Variants in MYT1L observed in about 807,000 individuals in gnomAD.
MYT1L encodes myelin transcription factor 1 like, also known as myelin transcription factor 1-like protein.
Under a neutral mutation model 126.7 loss-of-function variants are expected in MYT1L, and 12 were observed. That is an observed-to-expected ratio of 0.09 (90% CI 0.06 to 0.15). The LOEUF is 0.15. Ranked by LOEUF, MYT1L falls within the 10% of genes least tolerant of loss-of-function variation. The pLI is 1.00. For missense variants in MYT1L, 979 were observed against 1,585.2 expected, an observed-to-expected ratio of 0.62 and a Z score of 6.49; for synonymous variants, 541 against 604.2, an observed-to-expected ratio of 0.90 and a Z score of 1.53.
intron 4 of MYT1L, among the ~76,000 whole-genome samples, chr2:2,021,275 G>A (rs1487980500): frequency 6.6e-6 from 1 of 152,186 alleles, no homozygotes; most frequent in Non-Finnish European, 1.5e-5. Context: ...CCTGGGATTT[G>A]CAGAGAGCAG....
chr2:2,194,215 G>A (rs1412911630), intron 2 of MYT1L, among the ~76,000 whole-genome samples: 1 of 151,992 alleles, frequency 6.6e-6, no homozygotes, highest in Non-Finnish European at 1.5e-5. Flanking sequence ...AAGTAGCTGG[G>A]ACCACAGGCA....
chr2:1,908,794 G>T (rs1333014758), intron 13 of MYT1L, among the ~76,000 whole-genome samples: 6 of 152,164 alleles, frequency 3.9e-5, no homozygotes, highest in Non-Finnish European at 8.8e-5. Flanking sequence ...TTCCCTGAAA[G>T]GGTGGCTTCC....
At chr2:2,021,715 G>A (rs927009049) in intron 4 of MYT1L, among the ~76,000 whole-genome samples, 1 of 152,184 alleles carries the variant, frequency 6.6e-6, no homozygotes, top group Non-Finnish European at 1.5e-5. Context: ...GGCTAACACG[G>A]TGAAACTCCG....
At chr2:1,971,747 C>T (rs547340633) in intron 8 of MYT1L, among the ~76,000 whole-genome samples, 2 of 152,056 alleles carry the variant, frequency 1.3e-5, no homozygotes, top group African/African-American at 2.4e-5. Flanking sequence ...CTAAACAAAA[C>T]AAAAGAAAAA....
intron 1 of MYT1L, among the ~76,000 whole-genome samples, chr2:2,291,070 AAATG>A (rs1466769624): frequency 6.6e-6 from 1 of 152,154 alleles, no homozygotes; most frequent in Non-Finnish European, 1.5e-5. Context: ...TAAAAAAAAA[AAATG>A]AAAGTCAGTA....
chr2:2,011,557 G>T (rs956160472), intron 4 of MYT1L, among the ~76,000 whole-genome samples: 6 of 151,826 alleles, frequency 4.0e-5, no homozygotes, highest in Non-Finnish European at 7.4e-5. Context: ...ACAGACTTTT[G>T]TGTTGCAAAT....
chr2:2,206,413 CATG>C lies in MYT1L; in HGVS notation c.-420-33428_-420-33426del, dbSNP rs564242497. On this transcript the variant is annotated intron_variant, in intron 2 of 24. Transcript: ENST00000647738. Reference sequence around the variant, plus strand: ...TTGGAAATCCTTTTGATAAAACGTCCATGATATTAGAAAGAAAACTTGGGTGTT... The same window carrying C: ...TTGGAAATCCTTTTGATAAAACGTCCATATTAGAAAGAAAACTTGGGTGTT... Among the ~76,000 whole-genome samples the C allele has an allele frequency of 3.9e-5, 6 of 152,250 alleles. No homozygotes were observed. In the South Asian group the frequency reaches 1.2e-3, roughly 32 times the overall value.
At chr2:1,974,187 A>G (rs1272955898) in intron 8 of MYT1L, among the ~76,000 whole-genome samples, 1 of 152,198 alleles carries the variant, frequency 6.6e-6, no homozygotes, top group Non-Finnish European at 1.5e-5. Context: ...ATACTCACTT[A>G]GGATGACTGA....
At chr2:2,315,803 A>C (rs2096056340) in intron 1 of MYT1L, among the ~76,000 whole-genome samples, 1 of 152,204 alleles carries the variant, frequency 6.6e-6, no homozygotes, top group Non-Finnish European at 1.5e-5. Flanking sequence ...TGTATGTCTT[A>C]AGCATATTTC....
At chr2:2,211,004 G>A (rs1355971517) in intron 2 of MYT1L, among the ~76,000 whole-genome samples, 1 of 152,004 alleles carries the variant, frequency 6.6e-6, no homozygotes, top group African/African-American at 2.4e-5. Flanking sequence ...AAATAGGATT[G>A]CTCTTTTGAT....
chr2:2,045,316 C>T (rs2068045114), intron 4 of MYT1L, among the ~76,000 whole-genome samples: 2 of 152,336 alleles, frequency 1.3e-5, no homozygotes, highest in Non-Finnish European at 1.5e-5. Context: ...GACTGCTGCA[C>T]TGCGATTGAT....
chr2:1,792,001 T>C lies in MYT1L; in HGVS notation c.3427A>G (p.Ile1143Val), dbSNP rs764343593. The C allele has an allele frequency of 2.4e-5, 38 of 1,597,812 alleles. No homozygotes were observed. The highest frequency in any genetic ancestry group is 3.2e-5 in the Non-Finnish European group (38 of 1,173,162). ...ANIQLPHMDP[I>V]NEQNFDAYVT... Reference sequence around the variant, plus strand: ...TAAGCATCAAAATTTTGTTCATTGATTGGATCCTACGAGATATTAAATAGT... The same window carrying C: ...TAAGCATCAAAATTTTGTTCATTGACTGGATCCTACGAGATATTAAATAGT... The change falls in exon 25 of 25, where the codon ATC (isoleucine) becomes GTC (valine). Residue 1143 changes from isoleucine to valine, a missense_variant. Transcript: ENST00000647738.
intron 3 of MYT1L, among the ~76,000 whole-genome samples, chr2:2,145,713 T>C (rs913878186): frequency 2.0e-5 from 3 of 151,746 alleles, no homozygotes; most frequent in Non-Finnish European, 4.4e-5. Context: ...ATACCTGTAA[T>C]GGTGGCTTAC....
chr2:1,812,720 A>G (rs1281174482), intron 21 of MYT1L, among the ~76,000 whole-genome samples: 1 of 152,048 alleles, frequency 6.6e-6, no homozygotes, highest in Non-Finnish European at 1.5e-5. Flanking sequence ...TACTAAAAAT[A>G]CAAAAATTAG....
chr2:1,812,634 T>C (rs1038177568), intron 21 of MYT1L, among the ~76,000 whole-genome samples: 3 of 152,028 alleles, frequency 2.0e-5, no homozygotes, highest in Non-Finnish European at 4.4e-5. Context: ...TCCTAGCACT[T>C]TGTGAGGCCG....
chr2:1,956,790 G>A lies in MYT1L; in HGVS notation c.153-13456C>T, dbSNP rs115049849. 3.5e-3 allele frequency among the ~76,000 whole-genome samples: 525 copies of A among 152,056 alleles called. 1 individual carries two copies. Among genetic ancestry groups the A allele is most frequent in the Non-Finnish European group, 5.7e-3 (386 of 67,994 alleles). On this transcript the variant is annotated intron_variant, in intron 8 of 24. Transcript: ENST00000647738. ...CTTGTGACAGATAATACTGGTTTTG[G>A]ACAGGCAGTTCTTCTCACACAGTAA...
chr2:2,004,098 C>G (rs1175546385), intron 4 of MYT1L, among the ~76,000 whole-genome samples: 3 of 150,798 alleles, frequency 2.0e-5, no homozygotes, highest in Admixed American at 2.0e-4. Context: ...TTCCTGCGTG[C>G]CTTCTTTCCT....
chr2:2,031,921 T>G (rs1476430174), intron 4 of MYT1L, among the ~76,000 whole-genome samples: 1 of 134,458 alleles, frequency 7.4e-6, no homozygotes, highest in Admixed American at 7.6e-5. Context: ...CCAGTGCCTC[T>G]CATCCTGTGG....
At chr2:2,308,411 T>C (rs2095893220) in intron 1 of MYT1L, among the ~76,000 whole-genome samples, 1 of 152,056 alleles carries the variant, frequency 6.6e-6, no homozygotes, top group Admixed American at 6.6e-5. Context: ...ATAAACTACC[T>C]ATACTTCACC....
Sources: gnomAD v4.1 joint callset for allele counts (sites outside exome capture counted in the v4.1 genomes callset) on GRCh38, gnomAD v4.1.1 for gene constraint, MANE v1.5 for transcripts, NCBI Gene and HGNC (gene_info 2026-07-23, HGNC 2026-07-21) for gene names.